RABGEF1: variants seen among roughly 807,000 people sequenced by gnomAD.
RABGEF1 encodes rab5 GDP/GTP exchange factor.
In RABGEF1, 26 loss-of-function variants were observed where a neutral mutation model predicts 57.3. The ratio of observed to expected loss-of-function variants is 0.45; its 90% CI spans 0.33 to 0.63. The LOEUF is 0.63. Ranked by LOEUF, RABGEF1 falls within the 20% of genes least tolerant of loss-of-function variation. The probability of loss-of-function intolerance (pLI) is 0.02; values close to 1 mark genes in which losing one functional copy is unlikely to be tolerated. For missense variants in RABGEF1, 464 were observed against 607.6 expected (o/e 0.76, Z 2.48); for synonymous variants, 185 against 210.7 (o/e 0.88, Z 1.06).
At chr7:66,760,890 A>G (rs1452919062) in intron 1 of RABGEF1, among the ~76,000 whole-genome samples, 2 of 152,078 alleles carry the variant, frequency 1.3e-5, no homozygotes, top group Admixed American at 6.5e-5. Context: ...TCGCCTCCCA[A>G]AGTGCTGGGA....
intron 1 of RABGEF1, among the ~76,000 whole-genome samples, chr7:66,767,550 C>G (rs538328026): frequency 3.3e-5 from 5 of 152,300 alleles, no homozygotes; most frequent in Admixed American, 2.6e-4. Context: ...GAATCTTTGT[C>G]TGTCCCCCAA....
At chr7:66,689,603 G>T (rs1317680847) in intron 1 of RABGEF1, among the ~76,000 whole-genome samples, 2 of 152,138 alleles carry the variant, frequency 1.3e-5, no homozygotes, top group Non-Finnish European at 2.9e-5. Flanking sequence ...AGGAGTTAGA[G>T]ACCAGCCTGG....
chr7:66,659,026 G>A, the RABGEF1 span, among the ~76,000 whole-genome samples: 1 of 151,968 alleles, frequency 6.6e-6, no homozygotes, highest in Non-Finnish European at 1.5e-5. Flanking sequence ...TGAGCCACCC[G>A]GTGCCCGGCC....
upstream of RABGEF1, among the ~76,000 whole-genome samples, chr7:66,681,492 G>T (rs374906892): frequency 6.6e-6 from 1 of 151,292 alleles, no homozygotes; most frequent in Non-Finnish European, 1.5e-5. Flanking sequence ...AACTTCCTGG[G>T]CTATCAAGCG....
chr7:66,808,808 G>C (rs753270867), intron 8 of RABGEF1, 78 bp from the exon 9 acceptor site: 22 of 1,369,578 alleles, frequency 1.6e-5, no homozygotes, highest in Non-Finnish European at 2.2e-5. Flanking sequence ...AATGGTCTGT[G>C]ATCAAAAGAT....
intron 2 of RABGEF1, among the ~76,000 whole-genome samples, chr7:66,720,259 G>A (rs568350257): frequency 4.7e-5 from 7 of 148,314 alleles, no homozygotes; most frequent in East Asian, 2.0e-4. Context: ...GTGCAGTGGC[G>A]CGATCTCGGC....
chr7:66,732,302 G>A (rs1334548153), intron 2 of RABGEF1, among the ~76,000 whole-genome samples: 4 of 152,216 alleles, frequency 2.6e-5, no homozygotes, highest in Non-Finnish European at 4.4e-5. Flanking sequence ...CAGGGGGTGC[G>A]AGGCCTCTGG....
At chr7:66,734,661 G>T (rs1366940113) in intron 2 of RABGEF1, among the ~76,000 whole-genome samples, 1 of 147,582 alleles carries the variant, frequency 6.8e-6, no homozygotes, top group Non-Finnish European at 1.5e-5. Context: ...TCGAACTCCT[G>T]ACCTCAAGTG....
At chr7:66,703,513 T>G (rs1793596355) in intron 1 of RABGEF1, among the ~76,000 whole-genome samples, 2 of 152,228 alleles carry the variant, frequency 1.3e-5, no homozygotes, top group Admixed American at 6.5e-5. Flanking sequence ...TTTTTTGGCA[T>G]GTGGACATCC....
chr7:66,694,375 A>G (rs1484567736), intron 1 of RABGEF1, among the ~76,000 whole-genome samples: 2 of 152,196 alleles, frequency 1.3e-5, no homozygotes, highest in Non-Finnish European at 1.5e-5. Flanking sequence ...TCGGGAGAAG[A>G]TGGAGCGAGG....
intron 3 of RABGEF1, among the ~76,000 whole-genome samples, chr7:66,783,128 G>T (rs1810359952): frequency 6.6e-6 from 1 of 152,158 alleles, no homozygotes; most frequent in African/African-American, 2.4e-5. Flanking sequence ...TAATACTTTG[G>T]ATGCGTTCTT....
At chr7:66,723,904 T>G (rs894187159) in intron 2 of RABGEF1, among the ~76,000 whole-genome samples, 2 of 152,196 alleles carry the variant, frequency 1.3e-5, no homozygotes, top group Admixed American at 6.5e-5. Flanking sequence ...GAAATGAAAA[T>G]AAGAGAAAAT....
chr7:66,744,915 G>T (rs117719951), intron 1 of RABGEF1, among the ~76,000 whole-genome samples: 2,226 of 151,952 alleles, frequency 0.015, 62 homozygotes, highest in East Asian at 0.094. Context: ...GTTATCAGCC[G>T]CACACGGTGG....
chr7:66,689,802 C>CAA (rs200381594), intron 1 of RABGEF1, among the ~76,000 whole-genome samples: 7 of 107,392 alleles, frequency 6.5e-5, no homozygotes, highest in Non-Finnish European at 7.9e-5. Flanking sequence ...GACTTCGTCT[C>CAA]AAAAAAAAAA....
intron 1 of RABGEF1, among the ~76,000 whole-genome samples, chr7:66,708,978 A>G (rs1454358730): frequency 2.0e-5 from 3 of 151,578 alleles, no homozygotes; most frequent in Non-Finnish European, 4.4e-5. Context: ...ATGCCTCTCT[A>G]CTTGATTCTG....
At chr7:66,733,902 T>TG (rs1218029958) in intron 2 of RABGEF1, among the ~76,000 whole-genome samples, 2 of 150,464 alleles carry the variant, frequency 1.3e-5, no homozygotes, top group African/African-American at 4.9e-5. Flanking sequence ...CTCCTCAGGA[T>TG]GCTGAGGCAG....
chr7:66,667,832 C>T, the RABGEF1 span, among the ~76,000 whole-genome samples: 29 of 152,282 alleles, frequency 1.9e-4, no homozygotes, highest in African/African-American at 6.3e-4. Flanking sequence ...GAGTCTTGCT[C>T]TGTCGCCCAG....
chr7:66,661,416 A>G, the RABGEF1 span, among the ~76,000 whole-genome samples: 3 of 152,074 alleles, frequency 2.0e-5, no homozygotes, highest in African/African-American at 7.2e-5. Flanking sequence ...TGAAATGGCA[A>G]ATCTCTAGAA....
chr7:66,698,977 A>G (rs1792780603), intron 1 of RABGEF1, among the ~76,000 whole-genome samples: 1 of 152,206 alleles, frequency 6.6e-6, no homozygotes, highest in African/African-American at 2.4e-5. Context: ...AGGAAGCAAC[A>G]AAGCTGAGTC....
Sources: gnomAD v4.1 joint callset for allele counts (sites outside exome capture counted in the v4.1 genomes callset) on GRCh38, gnomAD v4.1.1 for gene constraint, MANE v1.5 for transcripts, NCBI Gene and HGNC (gene_info 2026-07-23, HGNC 2026-07-21) for gene names.